The following PPFIA2 variants were observed in gnomAD, a reference collection of about 807,000 sequenced individuals.
PPFIA2 encodes the protein PPFI scaffold protein A2.
PPFIA2 carries 46 observed loss-of-function variants against 175.5 expected under a neutral mutation model. That is an observed-to-expected ratio of 0.26 (90% CI 0.21 to 0.34). The LOEUF (loss-of-function observed/expected upper bound fraction) is 0.34. PPFIA2 is among the 10% of genes least tolerant of loss of function. PPFIA2 has a pLI of 1.00. For missense variants in PPFIA2, 1,179 were observed against 1,506.1 expected, an observed-to-expected ratio of 0.78 and a Z score of 3.60; for synonymous variants, 568 against 511.4, an observed-to-expected ratio of 1.11 and a Z score of -1.49.
At chr12:81,557,161 T>C (rs1224713829) in intron 4 of PPFIA2, among the ~76,000 whole-genome samples, 1 of 151,120 alleles carries the variant, frequency 6.6e-6, no homozygotes, top group Non-Finnish European at 1.5e-5. Flanking sequence ...TCAATAGCTA[T>C]GCATTAGAGA....
intron 4 of PPFIA2, among the ~76,000 whole-genome samples, chr12:81,478,387 A>G (rs1404807772): frequency 2.0e-5 from 3 of 151,980 alleles, no homozygotes; most frequent in East Asian, 3.9e-4. Context: ...GATTTTTTTG[A>G]AGGATTTTAC....
chr12:81,731,595 T>C (rs1057152305), intron 3 of PPFIA2, among the ~76,000 whole-genome samples: 1 of 151,644 alleles, frequency 6.6e-6, no homozygotes, highest in African/African-American at 2.4e-5. Flanking sequence ...ATTAAAAATA[T>C]ATAAGGTTGA....
chr12:81,503,157 T>G (rs1211764110), intron 4 of PPFIA2, among the ~76,000 whole-genome samples: 1 of 152,192 alleles, frequency 6.6e-6, no homozygotes, highest in Non-Finnish European at 1.5e-5. Context: ...CCACTGCCAC[T>G]GCCCTGGTCT....
At chr12:81,522,799 T>C (rs2153250275) in intron 4 of PPFIA2, among the ~76,000 whole-genome samples, 1 of 152,310 alleles carries the variant, frequency 6.6e-6, no homozygotes, top group African/African-American at 2.4e-5. Flanking sequence ...AAACTTTATT[T>C]AGAGTGCATC....
chr12:81,522,726 A>T (rs2063300678), intron 4 of PPFIA2, among the ~76,000 whole-genome samples: 1 of 152,186 alleles, frequency 6.6e-6, no homozygotes, highest in African/African-American at 2.4e-5. Flanking sequence ...TTCCATGACA[A>T]ATAACTCTTA....
At chr12:81,680,470 AAC>A (rs1048833781) in intron 3 of PPFIA2, among the ~76,000 whole-genome samples, 6 of 151,932 alleles carry the variant, frequency 3.9e-5, no homozygotes, top group Admixed American at 3.9e-4. Context: ...AGTCCTAGTG[AAC>A]AGTTTCACCC....
chr12:81,493,970 T>C (rs2059728914), intron 4 of PPFIA2, among the ~76,000 whole-genome samples: 1 of 151,646 alleles, frequency 6.6e-6, no homozygotes, highest in Non-Finnish European at 1.5e-5. Flanking sequence ...TCATTTAGGT[T>C]AGACCTAAAA....
rs1290826747 is a variant in PPFIA2, at chr12:81,389,750, C to A, written c.763-5506G>T. 2.0e-5 allele frequency among the ~76,000 whole-genome samples: 3 copies of A among 151,990 alleles called. No individual in the cohort carries two copies. The East Asian group carries it at 5.8e-4, about 29-fold the overall frequency. ...AATTGTGGCACTTTAATTTAAATGACAAATGGCTGTATTAAAAGTCAGTAC... is the reference window on the plus strand; with the variant it reads ...AATTGTGGCACTTTAATTTAAATGAAAAATGGCTGTATTAAAAGTCAGTAC... On this transcript the variant is annotated intron_variant, in intron 8 of 32. Transcript: ENST00000549396.
At chr12:81,528,742 A>G (rs2064065826) in intron 4 of PPFIA2, among the ~76,000 whole-genome samples, 1 of 152,120 alleles carries the variant, frequency 6.6e-6, no homozygotes, top group African/African-American at 2.4e-5. Flanking sequence ...TATAATCAGC[A>G]GTAGAGAAAA....
intron 8 of PPFIA2, among the ~76,000 whole-genome samples, chr12:81,397,235 T>C (rs2041298296): frequency 6.6e-6 from 1 of 151,686 alleles, no homozygotes; most frequent in Non-Finnish European, 1.5e-5. Flanking sequence ...GTAGAGAACA[T>C]GTGGAGGGCT....
chr12:81,317,777 T>A (rs909911195), intron 22 of PPFIA2, among the ~76,000 whole-genome samples: 1 of 151,704 alleles, frequency 6.6e-6, no homozygotes, highest in African/African-American at 2.4e-5. Context: ...AGCATCTATA[T>A]GTTAAAAATT....
At chr12:81,601,526 A>G (rs1400060540) in intron 4 of PPFIA2, among the ~76,000 whole-genome samples, 1 of 151,972 alleles carries the variant, frequency 6.6e-6, no homozygotes, top group Non-Finnish European at 1.5e-5. Context: ...ACTAAAAAAC[A>G]CATCCCTTTA....
chr12:81,472,604 A>G (rs2056905594), intron 4 of PPFIA2: 1 of 152,188 alleles, frequency 6.6e-6, no homozygotes, highest in Admixed American at 6.5e-5. Flanking sequence ...CACCAAATTC[A>G]TCAAGGTAAT....
At chr12:81,559,938 A>G (rs1273242464) in intron 4 of PPFIA2, among the ~76,000 whole-genome samples, 1 of 152,044 alleles carries the variant, frequency 6.6e-6, no homozygotes, top group East Asian at 1.9e-4. Flanking sequence ...GAAAGTTCAA[A>G]TCCTAATTTG....
At chr12:81,266,181 G>T (rs982200202) in intron 30 of PPFIA2, among the ~76,000 whole-genome samples, 2 of 152,114 alleles carry the variant, frequency 1.3e-5, no homozygotes, top group African/African-American at 4.8e-5. Context: ...GCTTGTCTTT[G>T]TAGTAAGGAA....
intron 4 of PPFIA2, chr12:81,546,239 C>T (rs951938194): frequency 6.6e-6 from 1 of 151,830 alleles, no homozygotes; most frequent in African/African-American, 2.4e-5. Flanking sequence ...AGTTATATTC[C>T]AAGCCACAGG....
At chr12:81,741,466 C>T (rs2153654254) in intron 3 of PPFIA2, among the ~76,000 whole-genome samples, 1 of 152,016 alleles carries the variant, frequency 6.6e-6, no homozygotes, top group Non-Finnish European at 1.5e-5. Context: ...CAGCTAAATG[C>T]TAGATATTGG....
At chr12:81,371,432 G>C (rs2035078441) in intron 11 of PPFIA2, among the ~76,000 whole-genome samples, 1 of 151,604 alleles carries the variant, frequency 6.6e-6, no homozygotes, top group Non-Finnish European at 1.5e-5. Context: ...AAATTAATTA[G>C]GTGACTGACT....
intron 21 of PPFIA2, among the ~76,000 whole-genome samples, chr12:81,335,047 G>T (rs147059425): frequency 3.1e-4 from 47 of 152,242 alleles, no homozygotes; most frequent in African/African-American, 1.0e-3. Flanking sequence ...CGTTTCAGTA[G>T]CAGTGTGTTT....
Sources: allele counts gnomAD v4.1 joint callset (sites outside exome capture counted in the v4.1 genomes callset), GRCh38; gene constraint gnomAD v4.1.1; transcripts MANE v1.5; gene names NCBI Gene and HGNC (gene_info 2026-07-23, HGNC 2026-07-21).